The following CFAP52 variants were observed in gnomAD, a reference collection of about 807,000 sequenced individuals.
CFAP52 encodes cilia- and flagella-associated protein 52.
Under a neutral mutation model 70.5 loss-of-function variants are expected in CFAP52, and 57 were observed. The observed-to-expected ratio is 0.81, with a 90% confidence interval of 0.65 to 1.01. CFAP52 has a LOEUF of 1.01. Ranked by LOEUF, CFAP52 falls within the 50% of genes least tolerant of loss-of-function variation. CFAP52 has a pLI of 0.00. For missense variants in CFAP52, 785 were observed against 788.5 expected (o/e 1.00, Z 0.05); for synonymous variants, 267 against 292.5 (o/e 0.91, Z 0.89).
At chr17:9,626,530 T>A (rs1910240384) in intron 8 of CFAP52, among the ~76,000 whole-genome samples, 2 of 152,194 alleles carry the variant, frequency 1.3e-5, no homozygotes, top group African/African-American at 4.8e-5. Context: ...GCTCCTGACC[T>A]GGAAAGTTCT....
chr17:9,631,052 G>GAGAGAAAGAAAGAA (rs370935367), intron 9 of CFAP52, among the ~76,000 whole-genome samples: 809 of 37,872 alleles, frequency 0.021, 24 homozygotes, highest in Non-Finnish European at 0.027. Context: ...GAGAGAGAGA[G>GAGAGAAAGAAAGAA]AGAAAGAAAG....
chr17:9,613,955 C>T (rs1473786551), intron 8 of CFAP52, among the ~76,000 whole-genome samples: 1 of 152,024 alleles, frequency 6.6e-6, no homozygotes, highest in Non-Finnish European at 1.5e-5. Flanking sequence ...GCAAGTTGGT[C>T]ATTTTCTTTT....
intron 11 of CFAP52, among the ~76,000 whole-genome samples, chr17:9,636,246 A>AGAAAGAAAGAAG (rs1910797907): frequency 8.4e-6 from 1 of 118,464 alleles, no homozygotes; most frequent in Non-Finnish European, 1.6e-5. Context: ...AAAGAAAGAA[A>AGAAAGAAAGAAG]GAAAGAGAAA....
In CFAP52 at chr17:9,636,243, GAA is replaced by G. The variant is rs1910796232; in HGVS notation, c.1472+689_1472+690del. 7.0e-5 allele frequency among the ~76,000 whole-genome samples: 9 copies of G among 128,864 alleles called. No homozygotes were observed. The South Asian group carries it at 2.1e-3, about 30-fold the overall frequency. The allele number at this position is 128,864 out of a possible 152,430, so 84.5% of individuals were successfully genotyped here. A position where few individuals can be genotyped will look rare whatever the true frequency, so the allele number is the denominator to read the frequency against. On this transcript the variant is annotated intron_variant, in intron 11 of 13. Transcript: ENST00000352665. ...AGAAAGAAAGAAAGAAAGAAAGAAA[GAA>G]AGAAAGAGAAAGAAAAATAACTAAT...
intron 3 of CFAP52, among the ~76,000 whole-genome samples, chr17:9,591,327 C>T (rs1054453521): frequency 6.6e-6 from 1 of 152,050 alleles, no homozygotes; most frequent in Non-Finnish European, 1.5e-5. Flanking sequence ...CTTGAGTCGC[C>T]GCTCCCGGCC....
chr17:9,632,567 T>C (rs1357644518), intron 9 of CFAP52, among the ~76,000 whole-genome samples: 2 of 152,114 alleles, frequency 1.3e-5, no homozygotes, highest in East Asian at 1.9e-4. Flanking sequence ...AGTGGAACTG[T>C]TGAGAGGTGC....
chr17:9,629,784 T>C lies in CFAP52; in HGVS notation c.1174+964T>C, dbSNP rs78775270. 9.2e-5 allele frequency among the ~76,000 whole-genome samples: 14 copies of C among 152,122 alleles called. No homozygotes were observed. The East Asian group carries it at 2.7e-3, about 30-fold the overall frequency. ...TTTGTATTTTTAGTAAAAACGGGTT[T>C]TCACCATGTTGGCCAAGCTGGTCTT... On this transcript the variant is annotated intron_variant, in intron 9 of 13. Transcript: ENST00000352665.
In CFAP52 at chr17:9,594,202, G is replaced by A. The variant is rs1280008775; in HGVS notation, c.417G>A (p.Val139=). ...LGGPDDGSVV[V]WSIAKRDAIC... Reference sequence around the variant, plus strand: ...CCTCTTATTTTGGCAGTGTGGTGGTGTGGAGCATAGCCAAGAGAGATGCCA... The same window carrying A: ...CCTCTTATTTTGGCAGTGTGGTGGTATGGAGCATAGCCAAGAGAGATGCCA... Residue 139 remains valine (V), a synonymous_variant, in exon 4 of 14, where the codon GTG becomes GTA. Transcript: ENST00000352665. 3 of 1,609,318 alleles carry A rather than the reference G, an allele frequency of 1.9e-6. No homozygotes were observed. The highest frequency in any genetic ancestry group is 1.3e-5 in the African/African-American group (1 of 74,632).
At chr17:9,586,585 A>G (rs1055557708) in intron 2 of CFAP52, 113 bp from the exon 3 acceptor site, 3 of 1,228,094 alleles carry the variant, frequency 2.4e-6, no homozygotes, top group South Asian at 1.9e-5. Flanking sequence ...AAAAAAAAAA[A>G]GAAAGAAAAA....
chr17:9,586,898 C>T (rs372161491), intron 3 of CFAP52, 64 bp downstream of exon 3: 25 of 1,486,402 alleles, frequency 1.7e-5, no homozygotes, highest in African/African-American at 2.9e-5. Flanking sequence ...CAGGTTCAGA[C>T]GTACATGTGC....
chr17:9,631,599 G>A (rs1177028404), intron 9 of CFAP52, among the ~76,000 whole-genome samples: 1 of 152,106 alleles, frequency 6.6e-6, no homozygotes, highest in Non-Finnish European at 1.5e-5. Context: ...GAGGGCCAGT[G>A]TGTCTGGGGC....
chr17:9,606,611 A>G (rs549449085), intron 6 of CFAP52, among the ~76,000 whole-genome samples: 40 of 152,338 alleles, frequency 2.6e-4, no homozygotes, highest in African/African-American at 9.4e-4. Context: ...TGAGATTTCA[A>G]CCCAGGCCGA....
intron 1 of CFAP52, 68 bp from the exon 2 acceptor site, chr17:9,585,705 T>C (rs1908433832): frequency 2.0e-6 from 3 of 1,474,168 alleles, no homozygotes; most frequent in South Asian, 1.2e-5. Flanking sequence ...TTGTGTTTTG[T>C]ACTCAAGTAG....
intron 8 of CFAP52, among the ~76,000 whole-genome samples, chr17:9,613,302 T>C (rs751894245): frequency 6.6e-6 from 1 of 151,570 alleles, no homozygotes; most frequent in Non-Finnish European, 1.5e-5. Context: ...AGTTTTGATA[T>C]CAAAAGGAGC....
intron 3 of CFAP52, among the ~76,000 whole-genome samples, chr17:9,588,672 T>G (rs577255787): frequency 6.6e-6 from 1 of 152,260 alleles, no homozygotes; most frequent in East Asian, 1.9e-4. Flanking sequence ...TTTCACCCCA[T>G]TCAGTGTGAT....
At chr17:9,592,729 T>C (rs1908819879) in intron 3 of CFAP52, among the ~76,000 whole-genome samples, 1 of 152,220 alleles carries the variant, frequency 6.6e-6, no homozygotes, top group Non-Finnish European at 1.5e-5. Flanking sequence ...TTCCATTGTG[T>C]AGACAGCCTA....
intron 6 of CFAP52, among the ~76,000 whole-genome samples, chr17:9,604,315 A>C (rs1457005864): frequency 6.6e-6 from 1 of 152,200 alleles, no homozygotes; most frequent in Admixed American, 6.5e-5. Context: ...CATGAAAGAC[A>C]CTGTCAAGAG....
intron 9 of CFAP52, among the ~76,000 whole-genome samples, chr17:9,631,551 CA>C (rs953782838): frequency 2.0e-5 from 3 of 152,030 alleles, no homozygotes; most frequent in Non-Finnish European, 4.4e-5. Flanking sequence ...CAAAGGCCCT[CA>C]GGAGGGAGAT....
chr17:9,591,122 C>G (rs1358043202), intron 3 of CFAP52, among the ~76,000 whole-genome samples: 2 of 140,574 alleles, frequency 1.4e-5, no homozygotes, highest in Non-Finnish European at 3.0e-5. Context: ...ACCACAACCT[C>G]TGCCTCCCAG....
Sources: allele counts gnomAD v4.1 joint callset (sites outside exome capture counted in the v4.1 genomes callset), GRCh38; gene constraint gnomAD v4.1.1; transcripts MANE v1.5; gene names NCBI Gene and HGNC (gene_info 2026-07-23, HGNC 2026-07-21).